The following SLC22A23 variants were observed in gnomAD, a reference collection of about 807,000 sequenced individuals.
The protein encoded by SLC22A23 is ion transporter protein.
A neutral mutation model predicts 61.0 loss-of-function variants in SLC22A23; 26 were observed. That is an observed-to-expected ratio of 0.43 (90% CI 0.31 to 0.59). SLC22A23 has a LOEUF of 0.59. Among genes scored for constraint, SLC22A23 ranks in the 20% least tolerant of loss-of-function variants. The probability of loss-of-function intolerance (pLI) is 0.11; values close to 1 mark genes in which losing one functional copy is unlikely to be tolerated. For missense variants in SLC22A23, 796 were observed against 934.7 expected, an observed-to-expected ratio of 0.85 and a Z score of 1.94; for synonymous variants, 430 against 413.9, an observed-to-expected ratio of 1.04 and a Z score of -0.47.
chr6:3,438,481 T>C (rs1771369548), intron 1 of SLC22A23: 1 of 456,448 alleles, frequency 2.2e-6, no homozygotes, highest in Non-Finnish European at 4.4e-6. Context: ...AAACAGTGCT[T>C]ACGTTCAGCT....
At chr6:3,401,507 T>C (rs1015913194) in intron 3 of SLC22A23, among the ~76,000 whole-genome samples, 1 of 152,238 alleles carries the variant, frequency 6.6e-6, no homozygotes, top group African/African-American at 2.4e-5. Context: ...TTAAAACCTA[T>C]GCTCGAAATA....
At chr6:3,366,394 T>C (rs1256418935) in intron 3 of SLC22A23, among the ~76,000 whole-genome samples, 1 of 147,662 alleles carries the variant, frequency 6.8e-6, no homozygotes, top group East Asian at 2.0e-4. Flanking sequence ...TGAGGTATGA[T>C]GTCACTACGT....
At chr6:3,455,201 C>T (rs1417641024) in intron 1 of SLC22A23, among the ~76,000 whole-genome samples, 3 of 152,216 alleles carry the variant, frequency 2.0e-5, no homozygotes, top group Admixed American at 6.5e-5. Flanking sequence ...GGACAAGGTG[C>T]ATGTTTCAGC....
At chr6:3,283,171 C>A (rs1177262269) in intron 9 of SLC22A23, among the ~76,000 whole-genome samples, 1 of 152,188 alleles carries the variant, frequency 6.6e-6, no homozygotes, top group Non-Finnish European at 1.5e-5. Flanking sequence ...GTGGTTCACG[C>A]CTGTAATCCT....
At chr6:3,298,722 C>T (rs1167940724) in intron 4 of SLC22A23, among the ~76,000 whole-genome samples, 1 of 152,074 alleles carries the variant, frequency 6.6e-6, no homozygotes, top group Non-Finnish European at 1.5e-5. Context: ...CCTGTAATCC[C>T]AGCACTTTGG....
chr6:3,440,706 CAGAA>C (rs1561984869), intron 1 of SLC22A23, among the ~76,000 whole-genome samples: 4 of 68,524 alleles, frequency 5.8e-5, no homozygotes, highest in Non-Finnish European at 6.3e-5. Context: ...GACTCCGTCT[CAGAA>C]AAAAAAAAAA....
chr6:3,282,147 A>G, intron 9 of SLC22A23: 1 of 697,478 alleles, frequency 1.4e-6, no homozygotes, highest in South Asian at 1.5e-5. Context: ...GAAACCCAGA[A>G]GGTCTGACTG....
chr6:3,383,231 T>C (rs1019284660), intron 3 of SLC22A23, among the ~76,000 whole-genome samples: 6 of 152,234 alleles, frequency 3.9e-5, no homozygotes, highest in Non-Finnish European at 7.3e-5. Context: ...ACGGTATGAT[T>C]TGACTTATTA....
chr6:3,275,111 T>G (rs941307576), intron 9 of SLC22A23, among the ~76,000 whole-genome samples: 3 of 152,228 alleles, frequency 2.0e-5, no homozygotes, highest in African/African-American at 7.2e-5. Context: ...AGTGTGGTGT[T>G]GGTGTATATA....
Position 3,410,412 on chromosome 6 carries a change from G to T in SLC22A23, c.759-70C>A. 6.8e-7 allele frequency: 1 copy of T among 1,479,126 alleles called. No individual in the cohort carries two copies. The highest frequency in any genetic ancestry group is 9.0e-7 in the Non-Finnish European group (1 of 1,105,294). The allele number at this position is 1,479,126 out of a possible 1,614,324, so 91.6% of individuals were successfully genotyped here. ...ACAATGACGCTAGATGCTGAAACCC[G>T]GTGTCCAGCAGGCACTCAATATATG... On this transcript the variant is annotated intron_variant, in intron 2 of 9. Transcript: ENST00000406686. This position sits in a 1 kb window ranked among gnomAD's most constrained non-coding sequence, Gnocchi z 5.0.
chr6:3,357,604 T>C (rs1765194119), intron 3 of SLC22A23, among the ~76,000 whole-genome samples: 2 of 152,228 alleles, frequency 1.3e-5, no homozygotes, highest in African/African-American at 4.8e-5. Flanking sequence ...TAAAAGCTCC[T>C]TAGTTTAGGG....
intron 2 of SLC22A23, among the ~76,000 whole-genome samples, chr6:3,415,218 C>T (rs563574329): frequency 6.6e-6 from 1 of 152,300 alleles, no homozygotes; most frequent in African/African-American, 2.4e-5. Context: ...ATCTGTATTA[C>T]CGAAATGCTC....
chr6:3,339,518 A>C (rs1764038022), intron 3 of SLC22A23, among the ~76,000 whole-genome samples: 1 of 152,198 alleles, frequency 6.6e-6, no homozygotes, highest in Non-Finnish European at 1.5e-5. Flanking sequence ...CCAGATGGTT[A>C]AGGCATTCTA....
chr6:3,336,005 C>T (rs1026548855), intron 3 of SLC22A23, among the ~76,000 whole-genome samples: 10 of 151,690 alleles, frequency 6.6e-5, no homozygotes, highest in Non-Finnish European at 1.3e-4. Context: ...AGGAGAATGG[C>T]GTGAACCCAG....
intron 3 of SLC22A23, among the ~76,000 whole-genome samples, chr6:3,400,652 G>A (rs1304125106): frequency 6.6e-6 from 1 of 152,222 alleles, no homozygotes; most frequent in African/African-American, 2.4e-5. Context: ...TGGCAAGTGG[G>A]GGGCTTGGCT....
At chr6:3,363,760 G>A (rs1427297865) in intron 3 of SLC22A23, among the ~76,000 whole-genome samples, 1 of 152,238 alleles carries the variant, frequency 6.6e-6, no homozygotes, top group African/African-American at 2.4e-5. Context: ...CTGGGGTGGT[G>A]GTGGGAGCTG....
chr6:3,301,462 A>T (rs1761602390), intron 4 of SLC22A23, among the ~76,000 whole-genome samples: 1 of 152,262 alleles, frequency 6.6e-6, no homozygotes, highest in Admixed American at 6.5e-5. Flanking sequence ...TTTCGCAGGT[A>T]GTCTCTACAG....
At position 3,298,317 on chromosome 6, in the gene SLC22A23, C is replaced by T. The variant is rs1236187056; in HGVS notation, c.1083-99G>A. On this transcript the variant is annotated intron_variant, in intron 4 of 9. Transcript: ENST00000406686. ...GCCCGGGAGCTTCCCAGGCAGGTGG[C>T]GGTCAGTCTCCAGACACGCATCAGC... 11 of 1,407,664 alleles carry T rather than the reference C, an allele frequency of 7.8e-6. No homozygotes were observed. The East Asian group carries it at 8.1e-5, about 10-fold the overall frequency. The allele number at this position is 1,407,664 out of a possible 1,614,324, so 87.2% of individuals were successfully genotyped here.
intron 1 of SLC22A23, among the ~76,000 whole-genome samples, chr6:3,417,513 G>A (rs747372446): frequency 6.6e-6 from 1 of 152,176 alleles, no homozygotes; most frequent in Non-Finnish European, 1.5e-5. Flanking sequence ...TCCTTACAGG[G>A]TTAACTTCCT....
Sources: gnomAD v4.1 joint callset for allele counts (sites outside exome capture counted in the v4.1 genomes callset) on GRCh38, gnomAD v4.1.1 for gene constraint, Gnocchi (gnomAD v3.1) non-coding constraint, MANE v1.5 for transcripts, NCBI Gene and HGNC (gene_info 2026-07-23, HGNC 2026-07-21) for gene names.